IMMP1L: variants seen among roughly 807,000 people sequenced by gnomAD.
IMMP1L encodes mitochondrial inner membrane protease subunit 1.
In IMMP1L, 24 loss-of-function variants were observed where a neutral mutation model predicts 21.8. The observed-to-expected ratio is 1.10, with a 90% CI of 0.80 to 1.55. The LOEUF (loss-of-function observed/expected upper bound fraction) is 1.55. Among genes scored for constraint, IMMP1L ranks in the 40% most tolerant of loss-of-function variants. The probability of loss-of-function intolerance (pLI) is 0.00; values close to 1 mark genes in which losing one functional copy is unlikely to be tolerated. For missense variants in IMMP1L, 195 were observed against 200.7 expected (o/e 0.97, Z 0.17); for synonymous variants, 46 against 62.8 (o/e 0.73, Z 1.26).
At chr11:31,468,402 T>C (rs573284834) in intron 1 of IMMP1L, among the ~76,000 whole-genome samples, 19 of 152,286 alleles carry the variant, frequency 1.2e-4, no homozygotes, top group Non-Finnish European at 2.1e-4. Flanking sequence ...CACACATATA[T>C]ATACACACAT....
chr11:31,505,038 C>A (rs901088978), intron 1 of IMMP1L, among the ~76,000 whole-genome samples: 14 of 152,274 alleles, frequency 9.2e-5, no homozygotes, highest in African/African-American at 3.4e-4. Flanking sequence ...TACCAGCAGG[C>A]CCCGTAGTGA....
chr11:31,473,262 G>C (rs1462801334), intron 1 of IMMP1L, among the ~76,000 whole-genome samples: 1 of 152,014 alleles, frequency 6.6e-6, no homozygotes, highest in East Asian at 1.9e-4. Flanking sequence ...TGTTAGCCAG[G>C]ATGGTCTTCA....
chr11:31,467,796 T>C (rs1331261573), intron 1 of IMMP1L, among the ~76,000 whole-genome samples: 2 of 151,670 alleles, frequency 1.3e-5, no homozygotes, highest in Non-Finnish European at 1.5e-5. Flanking sequence ...TTTTTTTTTT[T>C]TACAAAGGGA....
chr11:31,437,437 G>A (rs1302763086), intron 4 of IMMP1L, among the ~76,000 whole-genome samples: 1 of 152,130 alleles, frequency 6.6e-6, no homozygotes, highest in African/African-American at 2.4e-5. Context: ...TCAGATTTGG[G>A]AGCATATTGG....
intron 1 of IMMP1L, among the ~76,000 whole-genome samples, chr11:31,499,984 T>G (rs1955567179): frequency 7.9e-6 from 1 of 126,324 alleles, no homozygotes; most frequent in Admixed American, 7.7e-5. Context: ...ATAAATAAAG[T>G]GTAATCTGCC....
intron 1 of IMMP1L, among the ~76,000 whole-genome samples, chr11:31,493,604 T>C (rs770088084): frequency 6.6e-6 from 1 of 152,140 alleles, no homozygotes; most frequent in Non-Finnish European, 1.5e-5. Flanking sequence ...TTCCCTAAAA[T>C]CTTAGCTCAT....
intron 4 of IMMP1L, chr11:31,453,121 A>T: frequency 1.6e-6 from 2 of 1,288,692 alleles, no homozygotes; most frequent in Non-Finnish European, 2.0e-6. Context: ...GCTGATTTAT[A>T]AGCGTTGCTT....
At chr11:31,483,039 C>A (rs1954953596) in intron 1 of IMMP1L, among the ~76,000 whole-genome samples, 1 of 151,764 alleles carries the variant, frequency 6.6e-6, no homozygotes, top group African/African-American at 2.4e-5. Flanking sequence ...CTATGTTGAA[C>A]AAAGGAAATC....
intron 1 of IMMP1L, among the ~76,000 whole-genome samples, chr11:31,482,309 A>G (rs545925438): frequency 3.7e-4 from 57 of 152,224 alleles, no homozygotes; most frequent in Middle Eastern, 3.4e-3. Context: ...AAGTAGATAA[A>G]TATTTCTTAA....
At chr11:31,497,298 T>C (rs1792942949) in intron 1 of IMMP1L, among the ~76,000 whole-genome samples, 1 of 151,940 alleles carries the variant, frequency 6.6e-6, no homozygotes, top group Non-Finnish European at 1.5e-5. Flanking sequence ...TTATGCTAAG[T>C]GAAAAATATT....
chr11:31,470,076 C>T (rs372642696), intron 1 of IMMP1L, among the ~76,000 whole-genome samples: 4 of 152,026 alleles, frequency 2.6e-5, no homozygotes, highest in African/African-American at 4.8e-5. Flanking sequence ...ATAAAATATA[C>T]GCTAACAGGA....
At chr11:31,433,648 GAGGT>G in intron 4 of IMMP1L, 78 bp from the exon 5 acceptor site, 1 of 806,992 alleles carries the variant, frequency 1.2e-6, no homozygotes, top group Non-Finnish European at 2.0e-6. Flanking sequence ...ATGTCATTCA[GAGGT>G]AGGGAGAAAT....
At chr11:31,482,426 T>C (rs759023757) in intron 1 of IMMP1L, among the ~76,000 whole-genome samples, 21 of 151,966 alleles carry the variant, frequency 1.4e-4, no homozygotes, top group African/African-American at 2.7e-4. Flanking sequence ...ACAAACCTCA[T>C]AGAAGAAGAA....
At chr11:31,452,862 T>C (rs1464146385) in intron 4 of IMMP1L, 5 of 658,196 alleles carry the variant, frequency 7.6e-6, no homozygotes, top group East Asian at 1.0e-4. Flanking sequence ...GCGATTCTCC[T>C]GCCTCAGCCT....
At chr11:31,468,025 A>G (rs1232448206) in intron 1 of IMMP1L, among the ~76,000 whole-genome samples, 2 of 152,108 alleles carry the variant, frequency 1.3e-5, no homozygotes, top group Non-Finnish European at 1.5e-5. Context: ...CAGCTTGAAC[A>G]CTTAAAAAGT....
chr11:31,449,497 C>T (rs1250215672), intron 4 of IMMP1L, among the ~76,000 whole-genome samples: 7 of 152,204 alleles, frequency 4.6e-5, no homozygotes, highest in South Asian at 2.1e-4. Context: ...TTCTAATACA[C>T]GGTAAAACAG....
At chr11:31,477,551 G>A (rs1954766980) in intron 1 of IMMP1L, 4 of 985,078 alleles carry the variant, frequency 4.1e-6, no homozygotes, top group Non-Finnish European at 4.8e-6. Context: ...TAGCAGGGCA[G>A]AAATAGCTTT....
chr11:31,464,091 A>C (rs1372965823), intron 1 of IMMP1L, among the ~76,000 whole-genome samples: 2 of 152,138 alleles, frequency 1.3e-5, no homozygotes, highest in South Asian at 2.1e-4. Context: ...GGCCTAGGCT[A>C]CAATATACTG....
chr11:31,500,852 C>A (rs754102913), intron 1 of IMMP1L, among the ~76,000 whole-genome samples: 16 of 152,056 alleles, frequency 1.1e-4, no homozygotes, highest in Non-Finnish European at 2.1e-4. Flanking sequence ...GCTCTCACAG[C>A]GAGTTGAAAA....
Sources: gnomAD v4.1 joint callset for allele counts (sites outside exome capture counted in the v4.1 genomes callset) on GRCh38, gnomAD v4.1.1 for gene constraint, MANE v1.5 for transcripts, NCBI Gene and HGNC (gene_info 2026-07-23, HGNC 2026-07-21) for gene names.